Variants in GRIK2 observed in about 807,000 individuals in gnomAD.
GRIK2 encodes glutamate ionotropic receptor kainate type subunit 2, also known as glutamate receptor ionotropic, kainate 2.
GRIK2 carries 32 observed loss-of-function variants against 100.3 expected under a neutral mutation model. The ratio of observed to expected loss-of-function variants is 0.32; its 90% CI spans 0.24 to 0.43. GRIK2 has a LOEUF of 0.43. Ranked by LOEUF, GRIK2 falls within the 20% of genes least tolerant of loss-of-function variation. The probability of loss-of-function intolerance (pLI) is 1.00; values close to 1 mark genes in which losing one functional copy is unlikely to be tolerated. For missense variants in GRIK2, 843 were observed against 1,114.9 expected (o/e 0.76, Z 3.47); for synonymous variants, 417 against 389.4 (o/e 1.07, Z -0.83).
intron 14 of GRIK2, among the ~76,000 whole-genome samples, chr6:101,936,179 A>G (rs899981450): frequency 6.6e-6 from 1 of 151,958 alleles, no homozygotes; most frequent in African/African-American, 2.4e-5. Flanking sequence ...TGTTAATGAA[A>G]TTTTTGTTTG....
At chr6:101,638,475 G>A (rs1781126081) in intron 4 of GRIK2, among the ~76,000 whole-genome samples, 1 of 151,830 alleles carries the variant, frequency 6.6e-6, no homozygotes, top group South Asian at 2.1e-4. Context: ...ACCTTATTTA[G>A]AAAATGGCAT....
rs1048738053 is a variant in GRIK2 at position 102,036,578 on chromosome 6, GTA to G, written c.2311+1013_2311+1014del. 3.3e-5 allele frequency among the ~76,000 whole-genome samples: 5 copies of G among 150,890 alleles called. No homozygotes were observed. The East Asian group carries it at 9.9e-4, about 30-fold the overall frequency. On this transcript the variant is annotated intron_variant, in intron 15 of 16. Transcript: ENST00000369134. ...TGATTATGACAGGGATGTGAAAGAA[GTA>G]GAGAGAGGGAGAGAGAAAGAGAAAG...
At chr6:101,921,519 G>T (rs1383230284) in intron 12 of GRIK2, among the ~76,000 whole-genome samples, 3 of 152,036 alleles carry the variant, frequency 2.0e-5, no homozygotes, top group African/African-American at 7.2e-5. Flanking sequence ...ACTGAAGCAA[G>T]ATCTGGAAAC....
intron 2 of GRIK2, among the ~76,000 whole-genome samples, chr6:101,534,656 T>G (rs947557951): frequency 1.1e-4 from 16 of 151,846 alleles, no homozygotes; most frequent in African/African-American, 3.9e-4. Context: ...AGTCTATGTA[T>G]AATTCCTTTG....
chr6:102,046,685 G>C (rs1428803112), intron 15 of GRIK2, among the ~76,000 whole-genome samples: 5 of 152,028 alleles, frequency 3.3e-5, no homozygotes, highest in Non-Finnish European at 7.4e-5. Context: ...TGTGCAAATG[G>C]ACTATTAAAA....
chr6:101,498,542 T>C (rs994431573), intron 2 of GRIK2, among the ~76,000 whole-genome samples: 9 of 150,134 alleles, frequency 6.0e-5, no homozygotes, highest in African/African-American at 2.0e-4. Context: ...GTTTCCTGAC[T>C]TTTGAATGCT....
At chr6:101,683,958 T>G (rs976391665) in intron 6 of GRIK2, among the ~76,000 whole-genome samples, 1 of 152,194 alleles carries the variant, frequency 6.6e-6, no homozygotes, top group African/African-American at 2.4e-5. Flanking sequence ...AACTTGAAAT[T>G]CTTCCAGTTA....
In GRIK2 at chr6:101,761,222, A is replaced by C. The variant is rs1051078717; in HGVS notation, c.952-38426A>C. Reference sequence around the variant, plus strand: ...GCCACTATCTTTGAATTCCATGGCTACAAATGGAAACAATGTGAATTGCTG... The same window carrying C: ...GCCACTATCTTTGAATTCCATGGCTCCAAATGGAAACAATGTGAATTGCTG... On this transcript the variant is annotated intron_variant, in intron 7 of 16. Coordinates refer to ENST00000369134, the MANE Select transcript of GRIK2 (RefSeq NM_021956.5). Among the ~76,000 whole-genome samples the C allele has an allele frequency of 2.0e-5, 3 of 152,314 alleles. No homozygotes were observed. The South Asian group carries it at 6.2e-4, about 32-fold the overall frequency.
At chr6:101,900,979 G>C (rs1787811804) in intron 12 of GRIK2, among the ~76,000 whole-genome samples, 1 of 151,166 alleles carries the variant, frequency 6.6e-6, no homozygotes. Flanking sequence ...TGACTTATCT[G>C]AGGACAGTCT....
chr6:101,407,137 T>G (rs1371017325), intron 2 of GRIK2, among the ~76,000 whole-genome samples: 1 of 152,172 alleles, frequency 6.6e-6, no homozygotes, highest in Non-Finnish European at 1.5e-5. Context: ...TGTTGTCATT[T>G]AATCCTTCCT....
intron 14 of GRIK2, among the ~76,000 whole-genome samples, chr6:102,006,910 G>T (rs9322627): frequency 0.19 from 29,288 of 151,644 alleles, 4,125 homozygotes; most frequent in African/African-American, 0.4. Context: ...ATATTTTCTG[G>T]GTAATTTTAA....
At chr6:101,644,395 T>A (rs963755579) in intron 4 of GRIK2, among the ~76,000 whole-genome samples, 2 of 151,708 alleles carry the variant, frequency 1.3e-5, no homozygotes, top group Non-Finnish European at 3.0e-5. Context: ...CTGAGGTTGA[T>A]ACACCAGACA....
At chr6:101,769,429 A>C (rs1268971281) in intron 7 of GRIK2, among the ~76,000 whole-genome samples, 1 of 152,162 alleles carries the variant, frequency 6.6e-6, no homozygotes, top group Non-Finnish European at 1.5e-5. Flanking sequence ...GAAGAGAAGA[A>C]ATATTATCTG....
At chr6:102,061,989 A>G (rs1335034) in intron 16 of GRIK2, among the ~76,000 whole-genome samples, 60,328 of 149,516 alleles carry the variant, frequency 0.4, 12,617 homozygotes, top group Middle Eastern at 0.47. Context: ...AATGCATTTC[A>G]CAGCTATATT....
intron 10 of GRIK2, among the ~76,000 whole-genome samples, chr6:101,844,413 G>T (rs1783688763): frequency 6.6e-6 from 1 of 152,168 alleles, no homozygotes; most frequent in African/African-American, 2.4e-5. Flanking sequence ...AATAATAGGA[G>T]AATAAATTTG....
chr6:101,561,571 A>G (rs946005768), intron 2 of GRIK2, among the ~76,000 whole-genome samples: 29 of 152,196 alleles, frequency 1.9e-4, no homozygotes, highest in African/African-American at 6.8e-4. Context: ...TGATTTGGTC[A>G]TTACACATTG....
At chr6:101,849,739 A>T (rs556030233) in intron 10 of GRIK2, among the ~76,000 whole-genome samples, 1 of 149,194 alleles carries the variant, frequency 6.7e-6, no homozygotes, top group Non-Finnish European at 1.5e-5. Flanking sequence ...TATTACTTTA[A>T]TCTTAGATTA....
chr6:101,743,977 C>G (rs1423733044), intron 7 of GRIK2, among the ~76,000 whole-genome samples: 1 of 151,986 alleles, frequency 6.6e-6, no homozygotes, highest in Non-Finnish European at 1.5e-5. Context: ...GAGTCTCACT[C>G]TGTTGCCCAG....
intron 4 of GRIK2, among the ~76,000 whole-genome samples, chr6:101,627,286 C>A (rs765969469): frequency 1.3e-5 from 2 of 152,064 alleles, no homozygotes; most frequent in Admixed American, 6.6e-5. Context: ...GGATTACAGG[C>A]ATACGCCACC....
Sources: allele counts gnomAD v4.1 joint callset (sites outside exome capture counted in the v4.1 genomes callset), GRCh38; gene constraint gnomAD v4.1.1; transcripts MANE v1.5; gene names NCBI Gene and HGNC (gene_info 2026-07-23, HGNC 2026-07-21).